EVC: variants seen among roughly 807,000 people sequenced by gnomAD.
EVC encodes the protein EvC ciliary complex subunit 1.
In EVC, 116 loss-of-function variants were observed where a neutral mutation model predicts 118.9. That is an observed-to-expected ratio of 0.98 (90% CI 0.84 to 1.14). EVC has a LOEUF of 1.14. Among genes scored for constraint, EVC ranks in the 50% most tolerant of loss-of-function variants. The pLI, the probability that EVC is intolerant of heterozygous loss-of-function variation, is 0.00. For synonymous variants in EVC, 619 were observed against 534.7 expected (o/e 1.16, Z -2.18); for missense variants, 1,401 against 1,246.4 (o/e 1.12, Z -1.87).
intron 11 of EVC, among the ~76,000 whole-genome samples, chr4:5,772,470 T>C (rs566662281): frequency 2.4e-4 from 36 of 152,224 alleles, no homozygotes; most frequent in African/African-American, 8.0e-4. Context: ...GCTACCTTCC[T>C]TTTAAGTTCT....
chr4:5,778,642 T>G (rs1476681078), intron 11 of EVC, among the ~76,000 whole-genome samples: 1 of 152,208 alleles, frequency 6.6e-6, no homozygotes, highest in Admixed American at 6.5e-5. Flanking sequence ...TGTCTTCTTT[T>G]GAGAAGTGTC....
At chr4:5,799,104 G>T (rs772371550) in intron 15 of EVC, among the ~76,000 whole-genome samples, 1 of 152,162 alleles carries the variant, frequency 6.6e-6, no homozygotes, top group Non-Finnish European at 1.5e-5. Flanking sequence ...CACACAGCTG[G>T]TCAGTGGCAG....
At position 5,772,571 on chromosome 4, in the gene EVC, C is replaced by T. The variant is rs866376721; in HGVS notation, c.1564-10981C>T. 2.3e-4 allele frequency among the ~76,000 whole-genome samples: 35 copies of T among 152,202 alleles called. No individual in the cohort carries two copies. In the Middle Eastern group the frequency reaches 0.02, roughly 89 times the overall value. On this transcript the variant is annotated intron_variant, in intron 11 of 20. Transcript: ENST00000264956. The stretch of plus-strand genomic sequence containing the variant: ...CATCCTTAATCTGGCCCATCATGAC[C>T]ACTTAGCTTGGTCCACGAGGCCCAT...
chr4:5,747,203 G>T (rs4411927), intron 7 of EVC, among the ~76,000 whole-genome samples: 1 of 151,666 alleles, frequency 6.6e-6, no homozygotes, highest in African/African-American at 2.4e-5. Context: ...GACCGACACC[G>T]CAGTTGAGGC....
At chr4:5,781,150 C>A (rs1326632164) in intron 11 of EVC, among the ~76,000 whole-genome samples, 1 of 152,082 alleles carries the variant, frequency 6.6e-6, no homozygotes, top group African/African-American at 2.4e-5. Context: ...GAGTGCCTTG[C>A]CAGAAAAGGA....
Position 5,729,346 on chromosome 4 carries a change from G to T in EVC, c.340G>T (p.Ala114Ser), listed in dbSNP as rs756208272. ...TTCCAACAGCAATATCACAGCATTC[G>T]CCCTGAAGGCCAAAGTCATCTACCC... ...PPSNSNITAFALKAKVIYPIN... is the reference protein window; with the variant it reads ...PPSNSNITAFSLKAKVIYPIN... The change falls in exon 3 of 21, where the codon GCC becomes TCC. Residue 114 changes from alanine to serine, a missense_variant. Coordinates refer to ENST00000264956, the MANE Select transcript of EVC (RefSeq NM_153717.3). 1.2e-6 allele frequency: 2 copies of T among 1,613,980 alleles called. No homozygotes were observed. The highest frequency in any genetic ancestry group is 1.1e-5 in the South Asian group (1 of 91,076).
At chr4:5,810,917 G>C in intron 20 of EVC, 36 bp from the exon 21 acceptor site, 1 of 1,578,484 alleles carries the variant, frequency 6.3e-7, no homozygotes, top group Non-Finnish European at 8.7e-7. Context: ...CATGGAGTCA[G>C]CGTTCTAACT....
chr4:5,781,471 A>G (rs1735585111), intron 11 of EVC, among the ~76,000 whole-genome samples: 1 of 152,030 alleles, frequency 6.6e-6, no homozygotes, highest in Non-Finnish European at 1.5e-5. Context: ...ATTATTTTGG[A>G]GGGATTTTTC....
chr4:5,809,731 G>A, intron 19 of EVC, 120 bp downstream of exon 19: 2 of 919,250 alleles, frequency 2.2e-6, no homozygotes, highest in Non-Finnish European at 3.5e-6. Context: ...AGGCTCTCTG[G>A]GCTTTTGTGA....
downstream of EVC, among the ~76,000 whole-genome samples, chr4:5,815,616 G>A (rs1265157267): frequency 1.3e-5 from 2 of 152,220 alleles, no homozygotes; most frequent in African/African-American, 4.8e-5. Flanking sequence ...AAAAGAGAGA[G>A]GGAGAGGGGC....
chr4:5,725,029 A>G (rs1725591548), intron 2 of EVC, among the ~76,000 whole-genome samples: 3 of 152,144 alleles, frequency 2.0e-5, no homozygotes, highest in East Asian at 3.9e-4. Flanking sequence ...TTCCAGCTCC[A>G]TCTATGCCCC....
chr4:5,777,275 C>G (rs1734845348), intron 11 of EVC, among the ~76,000 whole-genome samples: 1 of 152,168 alleles, frequency 6.6e-6, no homozygotes, highest in African/African-American at 2.4e-5. Context: ...AATAACTTGA[C>G]TCCAGGTTAC....
rs182733477 is a variant in EVC at position 5,754,010 on chromosome 4, C to T, written c.1464+77C>T. 4.1e-5 allele frequency: 64 copies of T among 1,580,128 alleles called. No individual in the cohort carries two copies. In the Admixed American group the frequency reaches 7.0e-4, roughly 17 times the overall value. ...GTTCCCGTGACTGAGCACGGGACGCCGGAGGTATTCATCAGGCATGAGGTT... is the reference window on the plus strand; with the variant it reads ...GTTCCCGTGACTGAGCACGGGACGCTGGAGGTATTCATCAGGCATGAGGTT... On this transcript the variant is annotated intron_variant, in intron 10 of 20. Coordinates refer to ENST00000264956, the MANE Select transcript of EVC (RefSeq NM_153717.3). This position sits in a 1 kb window ranked among gnomAD's most constrained non-coding sequence, Gnocchi z 5.8.
chr4:5,750,929 C>T lies in EVC; in HGVS notation c.1099-1907C>T, dbSNP rs112207519. On this transcript the variant is annotated intron_variant, in intron 8 of 20. Coordinates refer to ENST00000264956, the MANE Select transcript of EVC (RefSeq NM_153717.3). Reference sequence around the variant, plus strand: ...CACAGAAGAGTTGGAATTCCCAGGGCGGCATCCCATCTTTCTGGCCTGGGC... The same window carrying T: ...CACAGAAGAGTTGGAATTCCCAGGGTGGCATCCCATCTTTCTGGCCTGGGC... 4.5e-3 allele frequency among the ~76,000 whole-genome samples: 684 copies of T among 152,212 alleles called. 10 individuals carry two copies. The highest frequency in any genetic ancestry group is 0.013 in the African/African-American group (547 of 41,534).
rs1174222995 is a variant in EVC, at chr4:5,789,445, GC to G, written c.1777-4157del. 6.6e-6 allele frequency among the ~76,000 whole-genome samples: 1 copy of G among 152,112 alleles called. No individual in the cohort carries two copies. Among genetic ancestry groups the G allele is most frequent in the Non-Finnish European group, 1.5e-5 (1 of 68,012 alleles). On this transcript the variant is annotated intron_variant, in intron 12 of 20. Coordinates refer to ENST00000264956, the MANE Select transcript of EVC (RefSeq NM_153717.3). This position sits in a 1 kb window ranked among gnomAD's most constrained non-coding sequence, Gnocchi z 4.3. ...TGACCATGCTGTTTAAAACTGCAAT[GC>G]CCCCCTCACCCCCAGCACTCCAGTG...
chr4:5,758,450 C>G (rs1022815096), intron 11 of EVC: 2 of 243,094 alleles, frequency 8.2e-6, no homozygotes, highest in Non-Finnish European at 1.6e-5. Context: ...GAAGACACTG[C>G]ATTTTCCTTC....
downstream of EVC, among the ~76,000 whole-genome samples, chr4:5,819,064 A>G (rs564949832): frequency 6.6e-6 from 1 of 152,352 alleles, no homozygotes; most frequent in Admixed American, 6.5e-5. Flanking sequence ...AGTCTTTGCA[A>G]TAAATGGTGT....
chr4:5,792,205 A>G (rs1048454507), intron 12 of EVC, among the ~76,000 whole-genome samples: 1 of 152,210 alleles, frequency 6.6e-6, no homozygotes, highest in African/African-American at 2.4e-5. Context: ...CACAATAAAT[A>G]CTAGCAGATC....
the EVC span, chr4:5,821,409 T>G: frequency 3.4e-6 from 1 of 293,974 alleles, no homozygotes; most frequent in Admixed American, 4.4e-5. The surrounding 1 kb of genome is among the most constrained non-coding windows in gnomAD (Gnocchi z 4.4). Flanking sequence ...CTAGAACATC[T>G]ACAGGGTGCA....
Sources: allele counts gnomAD v4.1 joint callset (sites outside exome capture counted in the v4.1 genomes callset), GRCh38; gene constraint gnomAD v4.1.1; non-coding constraint Gnocchi (gnomAD v3.1); transcripts MANE v1.5; gene names NCBI Gene and HGNC (gene_info 2026-07-23, HGNC 2026-07-21).